Variants in TBPL2 observed in about 807,000 individuals in gnomAD.
TBPL2 encodes the protein TATA-box binding protein like 2.
In TBPL2, 40 loss-of-function variants were observed where a neutral mutation model predicts 38.2. The observed-to-expected ratio is 1.05, with a 90% confidence interval of 0.81 to 1.36. TBPL2 has a LOEUF of 1.36. Ranked by LOEUF, TBPL2 falls within the 40% of genes most tolerant of loss-of-function variation. The pLI is 0.00. For missense variants in TBPL2, 461 were observed against 456.7 expected, an observed-to-expected ratio of 1.01 and a Z score of -0.09; for synonymous variants, 169 against 171.7, an observed-to-expected ratio of 0.98 and a Z score of 0.12.
chr14:55,416,229 T>G (rs1885666485), intron 6 of TBPL2, among the ~76,000 whole-genome samples: 1 of 152,282 alleles, frequency 6.6e-6, no homozygotes, highest in South Asian at 2.1e-4. Context: ...TTTAAAATGG[T>G]TAAATTTGTT....
intron 6 of TBPL2, 69 bp downstream of exon 6, chr14:55,424,090 T>G: frequency 2.7e-6 from 3 of 1,104,630 alleles, no homozygotes; most frequent in Non-Finnish European, 4.1e-6. Context: ...CAAAGGTATT[T>G]AAAAGAATAA....
intron 1 of TBPL2, among the ~76,000 whole-genome samples, 169 bp downstream of exon 1, chr14:55,440,227 G>C (rs1886088893): frequency 6.6e-6 from 1 of 152,216 alleles, no homozygotes; most frequent in African/African-American, 2.4e-5. Flanking sequence ...GGCAACCTTG[G>C]TCAAATTATT....
At chr14:55,434,727 T>C (rs1885986670) in intron 3 of TBPL2, among the ~76,000 whole-genome samples, 1 of 152,254 alleles carries the variant, frequency 6.6e-6, no homozygotes, top group Non-Finnish European at 1.5e-5. Context: ...GAAAGCTTTA[T>C]TGTATTCGGG....
intron 4 of TBPL2, among the ~76,000 whole-genome samples, chr14:55,432,405 C>T (rs185532066): frequency 4.2e-5 from 6 of 142,254 alleles, no homozygotes; most frequent in Admixed American, 2.1e-4. Flanking sequence ...ACAGTGAGAC[C>T]GTGTCTCAGA....
intron 1 of TBPL2, among the ~76,000 whole-genome samples, chr14:55,438,225 TG>T (rs1886047747): frequency 6.6e-6 from 1 of 152,206 alleles, no homozygotes; most frequent in African/African-American, 2.4e-5. Context: ...CCTCCGCTAA[TG>T]TACGTCTGAC....
chr14:55,415,912 T>C (rs2140162204), intron 6 of TBPL2, among the ~76,000 whole-genome samples: 1 of 152,224 alleles, frequency 6.6e-6, no homozygotes, highest in East Asian at 1.9e-4. Flanking sequence ...ATATTAGTCA[T>C]AAACAGAAAT....
chr14:55,437,071 T>A (rs2140180804), intron 1 of TBPL2, 53 bp from the exon 2 acceptor site: 1 of 1,514,132 alleles, frequency 6.6e-7, no homozygotes, highest in East Asian at 2.3e-5. Flanking sequence ...GAACAGCATG[T>A]TACACAAAAG....
At chr14:55,429,126 C>T (rs1417942870) in intron 4 of TBPL2, 152 bp from the exon 5 acceptor site, 14 of 898,414 alleles carry the variant, frequency 1.6e-5, no homozygotes, top group African/African-American at 1.7e-5. Flanking sequence ...ACTTCCCATA[C>T]TTTCGTCCCT....
intron 3 of TBPL2, among the ~76,000 whole-genome samples, chr14:55,435,184 T>C (rs1490887302): frequency 2.0e-5 from 3 of 152,158 alleles, no homozygotes; most frequent in African/African-American, 2.4e-5. Context: ...GAAAGATACA[T>C]AAGTGTCAGG....
At chr14:55,432,789 A>G (rs1566594287) in intron 4 of TBPL2, among the ~76,000 whole-genome samples, 1 of 152,214 alleles carries the variant, frequency 6.6e-6, no homozygotes, top group Non-Finnish European at 1.5e-5. Flanking sequence ...TAACACCTAC[A>G]GGAGAAAACA....
intron 4 of TBPL2, among the ~76,000 whole-genome samples, chr14:55,430,065 C>G (rs959142395): frequency 3.3e-5 from 5 of 152,122 alleles, no homozygotes; most frequent in Non-Finnish European, 7.4e-5. Context: ...TCCTGCTGCA[C>G]CCCTAAATTC....
At chr14:55,440,324 G>T in intron 1 of TBPL2, 72 bp downstream of exon 1, 1 of 1,569,266 alleles carries the variant, frequency 6.4e-7, no homozygotes, top group Non-Finnish European at 8.7e-7. Flanking sequence ...TAAGAGGAAC[G>T]AAGGCAAAGC....
intron 5 of TBPL2, among the ~76,000 whole-genome samples, chr14:55,424,879 A>G (rs1217761963): frequency 6.6e-6 from 1 of 152,082 alleles, no homozygotes; most frequent in Non-Finnish European, 1.5e-5. Context: ...TCTTCTCCAC[A>G]CTCCAGCCTG....
At chr14:55,417,828 G>T (rs990680552) in intron 6 of TBPL2, among the ~76,000 whole-genome samples, 36 of 152,186 alleles carry the variant, frequency 2.4e-4, no homozygotes, top group African/African-American at 8.4e-4. Flanking sequence ...GGTGACTAAG[G>T]TGAAAATTGT....
At chr14:55,436,497 A>G in intron 2 of TBPL2, 64 bp downstream of exon 2, 1 of 1,377,440 alleles carries the variant, frequency 7.3e-7, no homozygotes, top group Non-Finnish European at 1.0e-6. Context: ...ATTAGTTGTC[A>G]TCGCATTCAG....
At chr14:55,437,018 C>G (rs1886026764) in exon 2 of TBPL2, 8 of 1,612,882 alleles carry the variant, frequency 5.0e-6, no homozygotes, top group Non-Finnish European at 5.9e-6. Context: ...GCAAGGCCAT[C>G]CTAGGCAGTT....
chr14:55,433,550 T>G, intron 4 of TBPL2, 80 bp downstream of exon 4: 2 of 1,343,306 alleles, frequency 1.5e-6, no homozygotes, highest in South Asian at 1.2e-5. Flanking sequence ...ACTATGTGCT[T>G]TAGCACATTA....
At chr14:55,421,019 C>G (rs1182580581) in intron 6 of TBPL2, among the ~76,000 whole-genome samples, 2 of 142,364 alleles carry the variant, frequency 1.4e-5, no homozygotes, top group African/African-American at 2.6e-5. Flanking sequence ...CGAGATCGCA[C>G]CACTGCACTG....
chr14:55,424,596 A>G (rs1186301699), intron 5 of TBPL2, among the ~76,000 whole-genome samples: 1 of 152,210 alleles, frequency 6.6e-6, no homozygotes, highest in Non-Finnish European at 1.5e-5. Flanking sequence ...AGAATACATA[A>G]TCATGTTTTT....
Sources: gnomAD v4.1 joint callset for allele counts (sites outside exome capture counted in the v4.1 genomes callset) on GRCh38, gnomAD v4.1.1 for gene constraint, MANE v1.5 for transcripts, NCBI Gene and HGNC (gene_info 2026-07-23, HGNC 2026-07-21) for gene names.